The following PCDH7 variants were observed in gnomAD, a reference collection of about 807,000 sequenced individuals.
PCDH7 encodes protocadherin-7.
In PCDH7, 17 loss-of-function variants were observed where a neutral mutation model predicts 58.9. The ratio of observed to expected loss-of-function variants is 0.29; its 90% CI spans 0.20 to 0.43. PCDH7 has a LOEUF of 0.43. Ranked by LOEUF, PCDH7 falls within the 20% of genes least tolerant of loss-of-function variation. The pLI is 1.00. For missense variants in PCDH7, 1,274 were observed against 1,441.0 expected (o/e 0.88, Z 1.88); for synonymous variants, 664 against 616.4 (o/e 1.08, Z -1.14).
intron 3 of PCDH7, among the ~76,000 whole-genome samples, chr4:31,061,684 G>A (rs186325277): frequency 9.9e-4 from 151 of 151,788 alleles, no homozygotes; most frequent in Non-Finnish European, 4.4e-4. Context: ...CTTAAATTCA[G>A]TGTAACAGAA....
intron 3 of PCDH7, among the ~76,000 whole-genome samples, chr4:30,968,352 ACACACAC>A (rs1472002545): frequency 4.1e-4 from 13 of 31,482 alleles, no homozygotes; most frequent in African/African-American, 2.2e-3. Flanking sequence ...ATATATATAT[ACACACAC>A]TATATATATA....
intron 3 of PCDH7, among the ~76,000 whole-genome samples, chr4:31,107,209 G>A (rs1240926479): frequency 6.6e-6 from 1 of 152,088 alleles, no homozygotes; most frequent in Admixed American, 6.5e-5. Flanking sequence ...TAAGTACTAT[G>A]ATATACAAGT....
rs143992102 is a variant in PCDH7, at chr4:30,971,940, G to A, written c.*7+21725G>A. Among the ~76,000 whole-genome samples, 5 of 152,226 alleles carry A rather than the reference G, an allele frequency of 3.3e-5. No individual in the cohort carries two copies. The East Asian group carries it at 9.6e-4, about 29-fold the overall frequency. On this transcript the variant is annotated intron_variant, in intron 3 of 3. Coordinates refer to the PCDH7 transcript ENST00000509759. ...TATACCACTGCACTCCAGCCTGGGC[G>A]ACAGAATGAGACTGTCTCAAAAAAA...
intron 1 of PCDH7, among the ~76,000 whole-genome samples, chr4:30,893,224 T>C (rs1738849514): frequency 6.6e-6 from 1 of 152,052 alleles, no homozygotes. Flanking sequence ...GCAGACAATA[T>C]ATTTCTTTAA....
At chr4:31,006,892 C>CAAAAAA (rs71651570) in intron 3 of PCDH7, among the ~76,000 whole-genome samples, 2 of 118,280 alleles carry the variant, frequency 1.7e-5, no homozygotes, top group African/African-American at 3.1e-5. Flanking sequence ...AACTTTGTCT[C>CAAAAAA]AAAAAAAAAA....
chr4:30,881,509 T>C (rs1736971249), intron 1 of PCDH7, among the ~76,000 whole-genome samples: 1 of 152,156 alleles, frequency 6.6e-6, no homozygotes, highest in Non-Finnish European at 1.5e-5. Context: ...GAGGAATTCA[T>C]GTCATCTCTA....
At position 30,917,038 on chromosome 4, in the gene PCDH7, A is replaced by G. The variant is rs149303454; in HGVS notation, c.71-3115A>G. Among the ~76,000 whole-genome samples the G allele has an allele frequency of 5.6e-3, 848 of 152,304 alleles. 6 individuals carry two copies. The highest frequency in any genetic ancestry group is 8.3e-3 in the Non-Finnish European group (562 of 68,030). On this transcript the variant is annotated intron_variant, in intron 1 of 3. Coordinates refer to the PCDH7 transcript ENST00000509759. ...AAAGTGACAGTTACATATATAATGC[A>G]AATTCATTCTCTGTCAGGAGTTGAC...
Position 31,074,300 on chromosome 4 carries a change from T to C in PCDH7, c.*8-68173T>C, listed in dbSNP as rs940242722. Reference sequence around the variant, plus strand: ...AGAACAATTTGTTCATTTAGCACATTACTGTTTTCTGAAGATCTAGGGCAA... The same window carrying C: ...AGAACAATTTGTTCATTTAGCACATCACTGTTTTCTGAAGATCTAGGGCAA... On this transcript the variant is annotated intron_variant, in intron 3 of 3. Transcript: ENST00000509759. Among the ~76,000 whole-genome samples, 9 of 151,644 alleles carry C rather than the reference T, an allele frequency of 5.9e-5. 1 individual carries two copies. The East Asian group carries it at 1.7e-3, about 29-fold the overall frequency.
At chr4:30,756,616 T>C (rs1719346652) in intron 1 of PCDH7, among the ~76,000 whole-genome samples, 1 of 152,180 alleles carries the variant, frequency 6.6e-6, no homozygotes, top group Non-Finnish European at 1.5e-5. Flanking sequence ...TGTGTCAACT[T>C]AAAAAATGCT....
At chr4:30,805,500 T>A (rs1235996288) in intron 1 of PCDH7, among the ~76,000 whole-genome samples, 4 of 152,244 alleles carry the variant, frequency 2.6e-5, no homozygotes, top group Non-Finnish European at 4.4e-5. Flanking sequence ...GTAGAAATGT[T>A]CTTGAAACAT....
chr4:30,936,379 TTTGAGTTA>T (rs1443116214), intron 2 of PCDH7, among the ~76,000 whole-genome samples: 2 of 152,054 alleles, frequency 1.3e-5, no homozygotes, highest in African/African-American at 4.8e-5. Context: ...AAGGGCTATA[TTTGAGTTA>T]TTGCATTCAA....
intron 3 of PCDH7, among the ~76,000 whole-genome samples, chr4:31,141,152 G>A (rs1259968074): frequency 6.6e-6 from 1 of 152,196 alleles, no homozygotes; most frequent in Non-Finnish European, 1.5e-5. Context: ...TACAGGGGAT[G>A]GGGTGTGGAA....
At chr4:30,766,240 A>G (rs1720735970) in intron 1 of PCDH7, among the ~76,000 whole-genome samples, 2 of 152,092 alleles carry the variant, frequency 1.3e-5, no homozygotes, top group African/African-American at 2.4e-5. Context: ...GTTTTAAGAT[A>G]TGCAACCCAT....
chr4:30,898,798 A>G (rs953292923), intron 1 of PCDH7, among the ~76,000 whole-genome samples: 4 of 152,096 alleles, frequency 2.6e-5, no homozygotes, highest in Non-Finnish European at 4.4e-5. Context: ...TCACTGTGTT[A>G]GCCAGGATGG....
chr4:30,875,575 C>T (rs962255943), intron 1 of PCDH7, among the ~76,000 whole-genome samples: 5 of 152,046 alleles, frequency 3.3e-5, no homozygotes, highest in African/African-American at 1.2e-4. Context: ...TTTTCAAACA[C>T]TTTCAAGAGT....
rs537394737 is a variant in PCDH7 at position 31,012,389 on chromosome 4, C to A, written c.*7+62174C>A. The stretch of plus-strand genomic sequence containing the variant: ...TAAATATAGAAGATGTCTCAATTTT[C>A]ATTACAAACTGCCCCCTTCTAGAAA... On this transcript the variant is annotated intron_variant, in intron 3 of 3. Coordinates refer to the PCDH7 transcript ENST00000509759. Among the ~76,000 whole-genome samples, 24 of 139,486 alleles carry A rather than the reference C, an allele frequency of 1.7e-4. 1 individual carries two copies. Among genetic ancestry groups the A allele is most frequent in the African/African-American group, 5.7e-4 (23 of 40,516 alleles). The allele number at this position is 139,486 out of a possible 152,430, so 91.5% of individuals were successfully genotyped here. A position where few individuals can be genotyped will look rare whatever the true frequency, so the allele number is the denominator to read the frequency against.
At chr4:31,053,619 C>T (rs1282223464) in intron 3 of PCDH7, among the ~76,000 whole-genome samples, 3 of 152,116 alleles carry the variant, frequency 2.0e-5, no homozygotes, top group Non-Finnish European at 4.4e-5. Context: ...TCTTTATCTT[C>T]TGCTGAGTCA....
At chr4:31,040,250 C>A (rs1755745565) in intron 3 of PCDH7, among the ~76,000 whole-genome samples, 1 of 152,202 alleles carries the variant, frequency 6.6e-6, no homozygotes, top group East Asian at 1.9e-4. Context: ...CCTTTGAATC[C>A]TCTCTTCCAT....
intron 3 of PCDH7, among the ~76,000 whole-genome samples, chr4:31,126,183 G>A (rs1006606721): frequency 4.7e-5 from 7 of 149,912 alleles, no homozygotes; most frequent in East Asian, 2.0e-4. Flanking sequence ...GAGTGCAGTG[G>A]CGTAATCTTG....
Sources: allele counts gnomAD v4.1 joint callset (sites outside exome capture counted in the v4.1 genomes callset), GRCh38; gene constraint gnomAD v4.1.1; transcripts MANE v1.5; gene names NCBI Gene and HGNC (gene_info 2026-07-23, HGNC 2026-07-21).